Variants in CEP295 observed in about 807,000 individuals in gnomAD.
CEP295 encodes centrosomal protein 295, also known as centrosomal protein of 295 kDa.
In CEP295, 190 loss-of-function variants were observed where a neutral mutation model predicts 291.6. The ratio of observed to expected loss-of-function variants is 0.65; its 90% CI spans 0.58 to 0.73. CEP295 has a LOEUF of 0.73. CEP295 is among the 30% of genes least tolerant of loss of function. The pLI, the probability that CEP295 is intolerant of heterozygous loss-of-function variation, is 0.00. For missense variants in CEP295, 2,863 were observed against 2,949.4 expected, an observed-to-expected ratio of 0.97 and a Z score of 0.68; for synonymous variants, 993 against 1,038.8, an observed-to-expected ratio of 0.96 and a Z score of 0.85.
Position 93,730,347 on chromosome 11 carries a change from T to G in CEP295, c.*78T>G. 9.2e-7 allele frequency: 1 copy of G among 1,081,202 alleles called. No homozygotes were observed. The highest frequency in any genetic ancestry group is 1.3e-5 in the South Asian group (1 of 76,600). The allele number at this position is 1,081,202 out of a possible 1,614,324, so 67.0% of individuals were successfully genotyped here. A position where few individuals can be genotyped will look rare whatever the true frequency, so the allele number is the denominator to read the frequency against. On this transcript the variant is annotated 3_prime_UTR_variant, in exon 30 of 30. Coordinates refer to ENST00000325212, the MANE Select transcript of CEP295 (RefSeq NM_033395.2). ...AAAATTATTTAAAGTCAATAAATTG[T>G]TATTCGAGGAATTCCATGTTGTGAT...
At chr11:93,716,475 G>C (rs1353392944) in intron 18 of CEP295, among the ~76,000 whole-genome samples, 1 of 152,240 alleles carries the variant, frequency 6.6e-6, no homozygotes, top group Non-Finnish European at 1.5e-5. Context: ...TGGTTCGTAT[G>C]AAGGTACTTT....
At chr11:93,717,440 A>G (rs968635324) in intron 18 of CEP295, among the ~76,000 whole-genome samples, 1 of 152,222 alleles carries the variant, frequency 6.6e-6, no homozygotes, top group African/African-American at 2.4e-5. Flanking sequence ...ATGGCTATTT[A>G]GGAAGGACTT....
intron 9 of CEP295, among the ~76,000 whole-genome samples, chr11:93,684,568 T>A (rs947591612): frequency 1.3e-5 from 2 of 152,156 alleles, no homozygotes; most frequent in African/African-American, 4.8e-5. Context: ...TCCCATCCCG[T>A]GGAACATGAG....
intron 18 of CEP295, among the ~76,000 whole-genome samples, chr11:93,715,873 T>C (rs1316892016): frequency 1.3e-5 from 2 of 152,010 alleles, no homozygotes; most frequent in Non-Finnish European, 1.5e-5. Context: ...AACAAAGTCC[T>C]CTTTATTCTT....
chr11:93,699,802 A>G lies in CEP295; in HGVS notation c.4890A>G (p.Arg1630=). Residue 1630 remains arginine, a synonymous_variant, in exon 15 of 30, where the codon AGA becomes AGG. Transcript: ENST00000325212. The part of the protein sequence containing the change: ...PQEELSLNKQ[R]KLNKSESAEH... ...AAGAACTGTCTTTAAACAAACAAAG[A>G]AAGTTGAACAAAAGTGAATCTGCTG... 1.9e-6 allele frequency: 3 copies of G among 1,552,294 alleles called. No individual in the cohort carries two copies. Among genetic ancestry groups the G allele is most frequent in the South Asian group, 1.2e-5 (1 of 84,060 alleles).
chr11:93,707,022 G>A (rs959114479), intron 18 of CEP295, 125 bp downstream of exon 18: 10 of 807,090 alleles, frequency 1.2e-5, no homozygotes, highest in Admixed American at 3.4e-5. Context: ...TAATGGAATC[G>A]TTATGATGCA....
chr11:93,703,980 A>G (rs1325779760), intron 17 of CEP295, among the ~76,000 whole-genome samples: 1 of 152,020 alleles, frequency 6.6e-6, no homozygotes, highest in Non-Finnish European at 1.5e-5. Context: ...CGTGTTTGCC[A>G]GGATGGTCTC....
At position 93,698,873 on chromosome 11, in the gene CEP295, A is replaced by G. The variant is rs1352418350; in HGVS notation, c.3961A>G (p.Ser1321Gly). 6.4e-7 allele frequency: 1 copy of G among 1,551,608 alleles called. No homozygotes were observed. The highest frequency in any genetic ancestry group is 2.4e-5 in the East Asian group (1 of 40,928). ...ILEPLFTESESKIFSSHLQIP... is the reference protein window; with the variant it reads ...ILEPLFTESEGKIFSSHLQIP... ...GGAACCTCTTTTTACAGAGAGTGAA[A>G]GTAAAATTTTTTCAAGCCACCTTCA... is the stretch of plus-strand genomic sequence containing the variant. Residue 1321 changes from serine to glycine, a missense_variant, in exon 15 of 30, where the codon AGT becomes GGT. Transcript: ENST00000325212.
chr11:93,692,504 C>A (rs772998217), intron 12 of CEP295, among the ~76,000 whole-genome samples: 1 of 152,122 alleles, frequency 6.6e-6, no homozygotes, highest in Non-Finnish European at 1.5e-5. Context: ...CTCCGTCGCC[C>A]AGGCTGGAGT....
chr11:93,727,921 GAA>G (rs1465600830), intron 24 of CEP295: 2 of 256,912 alleles, frequency 7.8e-6, no homozygotes, highest in African/African-American at 4.5e-5. Context: ...TTAAAAATTT[GAA>G]AACTGTCTTC....
chr11:93,727,809 A>C, intron 24 of CEP295, 172 bp downstream of exon 24: 3 of 531,156 alleles, frequency 5.6e-6, no homozygotes, highest in Non-Finnish European at 3.3e-6. Context: ...ACACACCACA[A>C]TGCCTGGCAG....
Position 93,669,724 on chromosome 11 carries a change from C to T in CEP295, c.482C>T (p.Ser161Leu). The change falls in exon 5 of 30, where the codon TCA becomes TTA. Residue 161 changes from serine to leucine, a missense_variant. By Grantham distance (145) the Ser-to-Leu change is moderately radical (BLOSUM62 -2). Around this residue, in one of 3 missense-constraint regions of CEP295, gnomAD observed 554 missense variants for 576.0 expected, o/e 0.96. Coordinates refer to ENST00000325212, the MANE Select transcript of CEP295 (RefSeq NM_033395.2). ...GCACTGCTTGTGGAAAAAGAGAGAT[C>T]AGCCAAAATTACAAGTCTGCCACCT... The part of the protein sequence containing the change: ...KEALLVEKER[S>L]AKITSLPPPP... The T allele has an allele frequency of 4.5e-6, 7 of 1,550,786 alleles. No individual in the cohort carries two copies. The highest frequency in any genetic ancestry group is 6.1e-6 in the Non-Finnish European group (7 of 1,146,310).
At chr11:93,701,278 T>C (rs183869026) in intron 15 of CEP295, among the ~76,000 whole-genome samples, 3 of 152,206 alleles carry the variant, frequency 2.0e-5, no homozygotes, top group South Asian at 4.2e-4. Flanking sequence ...GGTGGGAGGA[T>C]GACTTGAGCC....
At chr11:93,690,729 C>CAAAAAA (rs10608060) in intron 10 of CEP295, among the ~76,000 whole-genome samples, 4 of 68,350 alleles carry the variant, frequency 5.9e-5, no homozygotes, top group African/African-American at 1.1e-4. Context: ...GACTCCGTCT[C>CAAAAAA]AAAAAAAAAA....
intron 2 of CEP295, 53 bp from the exon 3 acceptor site, chr11:93,667,554 A>C: frequency 7.3e-7 from 1 of 1,362,458 alleles, no homozygotes; most frequent in Non-Finnish European, 9.8e-7. Flanking sequence ...AGCTTTTCAA[A>C]AAAGTTTAAG....
chr11:93,721,761 G>C (rs1253108290), intron 19 of CEP295, 193 bp from the exon 20 acceptor site: 1 of 728,908 alleles, frequency 1.4e-6, no homozygotes, highest in African/African-American at 1.7e-5. Flanking sequence ...GGGTGGGGGG[G>C]TGCGTATGTA....
chr11:93,721,532 T>A, intron 19 of CEP295, 120 bp downstream of exon 19: 1 of 799,780 alleles, frequency 1.3e-6, no homozygotes, highest in East Asian at 2.4e-5. Context: ...GATCTGCTTT[T>A]AGTGAAGTGG....
At chr11:93,695,705 A>G in intron 13 of CEP295, 71 bp downstream of exon 13, 1 of 1,455,742 alleles carries the variant, frequency 6.9e-7, no homozygotes, top group Non-Finnish European at 8.9e-7. Context: ...GAGCACTTGT[A>G]GCGTTTAGAA....
At chr11:93,673,707 G>A (rs1311678469) in intron 5 of CEP295, among the ~76,000 whole-genome samples, 1 of 151,968 alleles carries the variant, frequency 6.6e-6, no homozygotes, top group Non-Finnish European at 1.5e-5. Context: ...TGGTCAGGCT[G>A]GTCTCAAACT....
Sources: gnomAD v4.1 joint callset for allele counts (sites outside exome capture counted in the v4.1 genomes callset) on GRCh38, gnomAD v4.1.1 for gene constraint, gnomAD v4.1.1 regional missense constraint, MANE v1.5 for transcripts, NCBI Gene and HGNC (gene_info 2026-07-23, HGNC 2026-07-21) for gene names.